The following RRM2B variants were observed in gnomAD, a reference collection of about 807,000 sequenced individuals.
RRM2B encodes ribonucleoside-diphosphate reductase subunit M2 B.
A neutral mutation model predicts 45.9 loss-of-function variants in RRM2B; 20 were observed. The ratio of observed to expected loss-of-function variants is 0.44; its 90% CI spans 0.31 to 0.63. The LOEUF (loss-of-function observed/expected upper bound fraction) is 0.63, where lower values mean the gene tolerates loss of function less well. RRM2B is among the 30% of genes least tolerant of loss of function. The pLI is 0.09. For synonymous variants in RRM2B, 124 were observed against 132.3 expected (o/e 0.94, Z 0.43); for missense variants, 320 against 414.7 (o/e 0.77, Z 1.98).
intron 3 of RRM2B, among the ~76,000 whole-genome samples, chr8:102,225,228 CTTTTTTTTTTTT>C (rs918693739): frequency 2.3e-5 from 2 of 87,526 alleles, no homozygotes; most frequent in East Asian, 3.9e-4. Flanking sequence ...ATAGTATATT[CTTTTTTTTTTTT>C]TTTTTTTTTT....
chr8:102,224,953 G>A lies in RRM2B; in HGVS notation c.387C>T (p.Leu129=), dbSNP rs372217779. 9 of 1,613,886 alleles carry A rather than the reference G, an allele frequency of 5.6e-6. No individual in the cohort carries two copies. The African/African-American group carries it at 6.7e-5, about 12-fold the overall frequency. Residue 129 remains leucine (L), a synonymous_variant, in exon 4 of 9, where the codon CTC becomes CTT. Transcript: ENST00000251810. Reference sequence around the variant, plus strand: ...ACATCTCTGAGTGAACATTCTCGATGAGAATTTGAAAGCCATAGAAACAGC... The same window carrying A: ...ACATCTCTGAGTGAACATTCTCGATAAGAATTTGAAAGCCATAGAAACAGC... ...EARCFYGFQI[L]IENVHSEMYS... is the part of the protein sequence containing the mutation.
In RRM2B at chr8:102,207,839, T is replaced by G; in HGVS notation, c.*294A>C. Reference sequence around the variant, plus strand: ...CCAAGATTAACTGACTTGCCAAGGGTCACACACTGGAGTAAGGGCAGAACC... The same window carrying G: ...CCAAGATTAACTGACTTGCCAAGGGGCACACACTGGAGTAAGGGCAGAACC... On this transcript the variant is annotated 3_prime_UTR_variant, in exon 9 of 9. Transcript: ENST00000251810. 1 of 286,764 alleles carries G rather than the reference T, an allele frequency of 3.5e-6. No individual in the cohort carries two copies. 17.8% of individuals were successfully genotyped at this position (286,764 alleles called of 1,614,324 possible).
At chr8:102,215,558 G>C (rs904695943) in intron 6 of RRM2B, among the ~76,000 whole-genome samples, 1 of 152,062 alleles carries the variant, frequency 6.6e-6, no homozygotes, top group African/African-American at 2.4e-5. Flanking sequence ...ATTTTAAAAG[G>C]CTTTAGAGCA....
At chr8:102,215,944 C>CAAAAAAAAAAAAAAAAAAAAAAA (rs60059243) in intron 6 of RRM2B, among the ~76,000 whole-genome samples, 20 of 75,686 alleles carry the variant, frequency 2.6e-4, no homozygotes, top group African/African-American at 8.1e-4. Context: ...GACCCTGTCT[C>CAAAAAAAAAAAAAAAAAAAAAAA]AAAAAAAAAA....
chr8:102,236,192 T>C (rs1454473216), intron 1 of RRM2B, among the ~76,000 whole-genome samples: 1 of 152,164 alleles, frequency 6.6e-6, no homozygotes, highest in African/African-American at 2.4e-5. Flanking sequence ...ATCAATTTTG[T>C]GGCCAAAGAT....
Position 102,218,868 on chromosome 8 carries a change from C to G in RRM2B, c.630G>C (p.Lys210Asn). 1 of 1,613,906 alleles carries G rather than the reference C, an allele frequency of 6.2e-7. No individual in the cohort carries two copies. Among genetic ancestry groups the G allele is most frequent in the South Asian group, 1.1e-5 (1 of 91,076 alleles). The change falls in exon 6 of 9, where the codon AAG becomes AAC. Residue 210 changes from lysine to asparagine, a missense_variant. Lys to Asn is a moderately conservative substitution (Grantham distance 94, BLOSUM62 0). This residue lies in a region of RRM2B where 225 missense variants were observed against 289.4 expected (regional missense o/e 0.78). Coordinates refer to ENST00000251810, the MANE Select transcript of RRM2B (RefSeq NM_015713.5). ...AAGTGAGTCCTGGCATAAGACCTCTCTTCTTTAGCCAGAATATAGCAGCAA... is the reference window on the plus strand; with the variant it reads ...AAGTGAGTCCTGGCATAAGACCTCTGTTCTTTAGCCAGAATATAGCAGCAA... ...GSFAAIFWLK[K>N]RGLMPGLTFS... is the part of the protein sequence containing the mutation.
In RRM2B at chr8:102,208,009, T is replaced by C; in HGVS notation, c.*124A>G. The C allele has an allele frequency of 1.3e-6, 1 of 744,942 alleles. No homozygotes were observed. The highest frequency in any genetic ancestry group is 2.3e-6 in the Non-Finnish European group (1 of 441,356). The allele number at this position is 744,942 out of a possible 1,614,324, so 46.1% of individuals were successfully genotyped here. A position where few individuals can be genotyped will look rare whatever the true frequency, so the allele number is the denominator to read the frequency against. On this transcript the variant is annotated 3_prime_UTR_variant, in exon 9 of 9. Coordinates refer to ENST00000251810, the MANE Select transcript of RRM2B (RefSeq NM_015713.5). ...AATGCAAATTGTTTAGAATAGGTTTTGGATTTCCTTTTGAGCAAACCCCCA... is the reference window on the plus strand; with the variant it reads ...AATGCAAATTGTTTAGAATAGGTTTCGGATTTCCTTTTGAGCAAACCCCCA...
In RRM2B at chr8:102,214,135, G is replaced by A; in HGVS notation, c.708C>T (p.Cys236=). The A allele has an allele frequency of 6.2e-7, 1 of 1,613,138 alleles. No individual in the cohort carries two copies. Among genetic ancestry groups the A allele is most frequent in the South Asian group, 1.1e-5 (1 of 91,062 alleles). The change falls in exon 7 of 9, where the codon TGC becomes TGT. Residue 236 remains cysteine (C), a synonymous_variant. Transcript: ENST00000251810. ...RDEGLHCDFA[C]LMFQYLVNKP... ...TATTTACTAAGTATTGGAACATCAG[G>A]CAAGCAAAGTCACAGTGAAGTCCCT...
chr8:102,220,455 A>G (rs1810810860), intron 5 of RRM2B, among the ~76,000 whole-genome samples: 1 of 152,184 alleles, frequency 6.6e-6, no homozygotes, highest in South Asian at 2.1e-4. Context: ...TTTGTTAGAG[A>G]CAGTATGGGG....
At chr8:102,230,401 C>T (rs1688199119) in intron 2 of RRM2B, among the ~76,000 whole-genome samples, 1 of 152,174 alleles carries the variant, frequency 6.6e-6, no homozygotes, top group African/African-American at 2.4e-5. Flanking sequence ...CTAAAAGATG[C>T]AAGTTAATTT....
At chr8:102,220,541 C>A (rs1423545484) in intron 5 of RRM2B, among the ~76,000 whole-genome samples, 1 of 152,174 alleles carries the variant, frequency 6.6e-6, no homozygotes, top group Admixed American at 6.5e-5. Flanking sequence ...TGGGCTCAAA[C>A]AATGCTCCCA....
At chr8:102,213,735 T>TA (rs1353639091) in intron 7 of RRM2B, among the ~76,000 whole-genome samples, 1 of 149,148 alleles carries the variant, frequency 6.7e-6, no homozygotes, top group Non-Finnish European at 1.5e-5. Flanking sequence ...CTCCAGTCAC[T>TA]AAAAATGTAA....
At chr8:102,219,049 G>C in intron 5 of RRM2B, 102 bp from the exon 6 acceptor site, 1 of 1,270,682 alleles carries the variant, frequency 7.9e-7, no homozygotes, top group East Asian at 2.4e-5. Flanking sequence ...TGTTTGCAAA[G>C]AAACAAAATA....
chr8:102,219,153 G>A (rs1810784501), intron 5 of RRM2B: 1 of 585,164 alleles, frequency 1.7e-6, no homozygotes, highest in Non-Finnish European at 3.0e-6. Context: ...CAAATCCTCT[G>A]TCAGACGATG....
Position 102,232,153 on chromosome 8 carries a change from T to C in RRM2B, c.200A>G (p.Glu67Gly), listed in dbSNP as rs1811041947. Residue 67 changes from glutamate (E) to glycine (G), a missense_variant, in exon 2 of 9, where the codon GAA (glutamate) becomes GGA (glycine). By Grantham distance (98) the Glu-to-Gly change is moderately conservative. Transcript: ENST00000251810. ...CTTGGAGGCAATGCCACGTACCTCT[T>C]CTGCTGTCCAGAAGGAAGCCTGTGC... ...KQAQASFWTA[E>G]EVDLSKDLPH... The C allele has an allele frequency of 1.2e-6, 2 of 1,614,006 alleles. No individual in the cohort carries two copies. The highest frequency in any genetic ancestry group is 3.3e-5 in the Admixed American group (2 of 60,008).
At chr8:102,228,622 G>A (rs540570903) in intron 2 of RRM2B, among the ~76,000 whole-genome samples, 1 of 152,342 alleles carries the variant, frequency 6.6e-6, no homozygotes, top group Admixed American at 6.5e-5. Context: ...CAAGGGTTGT[G>A]GGTACTCCTC....
intron 1 of RRM2B, among the ~76,000 whole-genome samples, chr8:102,236,150 C>T (rs28999679): frequency 0.014 from 2,142 of 152,264 alleles, 55 homozygotes; most frequent in African/African-American, 0.048. Context: ...AGGATCTAGA[C>T]TCTTAAGATA....
chr8:102,232,399 T>C, intron 1 of RRM2B, 95 bp from the exon 2 acceptor site: 1 of 1,264,604 alleles, frequency 7.9e-7, no homozygotes, highest in Non-Finnish European at 1.1e-6. Context: ...GAGACGGCAT[T>C]GGTTTGAGAG....
intron 1 of RRM2B, among the ~76,000 whole-genome samples, chr8:102,235,842 A>C (rs79057363): frequency 3.3e-5 from 5 of 150,092 alleles, no homozygotes; most frequent in African/African-American, 1.2e-4. Flanking sequence ...ACTCCGTCTC[A>C]AAAAAAAAAG....
Sources: gnomAD v4.1 joint callset for allele counts (sites outside exome capture counted in the v4.1 genomes callset) on GRCh38, gnomAD v4.1.1 for gene constraint, gnomAD v4.1.1 regional missense constraint, MANE v1.5 for transcripts, NCBI Gene and HGNC (gene_info 2026-07-23, HGNC 2026-07-21) for gene names.